The following PARD3B variants were observed in gnomAD, a reference collection of about 807,000 sequenced individuals.
PARD3B encodes partitioning defective 3 homolog B.
A neutral mutation model predicts 130.2 loss-of-function variants in PARD3B; 103 were observed. That is an observed-to-expected ratio of 0.79 (90% CI 0.67 to 0.93). PARD3B has a LOEUF of 0.93. Among genes scored for constraint, PARD3B ranks in the 40% least tolerant of loss-of-function variants. The pLI, the probability that PARD3B is intolerant of heterozygous loss-of-function variation, is 0.00. For missense variants in PARD3B, 1,609 were observed against 1,499.2 expected, an observed-to-expected ratio of 1.07 and a Z score of -1.21; for synonymous variants, 583 against 553.2, an observed-to-expected ratio of 1.05 and a Z score of -0.76.
intron 2 of PARD3B, among the ~76,000 whole-genome samples, chr2:204,759,116 T>C (rs16836582): frequency 0.043 from 6,535 of 152,266 alleles, 258 homozygotes; most frequent in East Asian, 0.18. Context: ...CTTCTTGTAA[T>C]GTTCTCATAA....
chr2:204,887,957 G>A lies in PARD3B; in HGVS notation c.223-77195G>A, dbSNP rs1455863102. 6.6e-6 allele frequency among the ~76,000 whole-genome samples: 1 copy of A among 152,126 alleles called. No individual in the cohort carries two copies. The highest frequency in any genetic ancestry group is 1.5e-5 in the Non-Finnish European group (1 of 68,038). On this transcript the variant is annotated intron_variant, in intron 2 of 22. Transcript: ENST00000406610. The surrounding 1 kb of genome is among the most constrained non-coding windows in gnomAD (Gnocchi z 4.2). ...TTGAGCTGATTCTTGAGGAATGTAT[G>A]AGAACTGTTAAGACCCCAGCATTCC...
chr2:204,586,904 C>T (rs539893811), intron 1 of PARD3B, among the ~76,000 whole-genome samples: 17 of 152,098 alleles, frequency 1.1e-4, no homozygotes, highest in East Asian at 1.9e-4. Flanking sequence ...ATGGCATGTT[C>T]GAATGATTAT....
chr2:205,053,299 A>C (rs1182970722), intron 4 of PARD3B, among the ~76,000 whole-genome samples: 7 of 151,994 alleles, frequency 4.6e-5, no homozygotes, highest in Admixed American at 2.6e-4. Context: ...ATTGATCGCC[A>C]CTGTGATGTT....
chr2:205,529,397 A>G (rs1178280598), intron 21 of PARD3B, among the ~76,000 whole-genome samples: 1 of 152,238 alleles, frequency 6.6e-6, no homozygotes, highest in Non-Finnish European at 1.5e-5. Context: ...GAAACAGATT[A>G]GGGAAGAGAT....
At chr2:205,039,013 G>A (rs544834287) in intron 3 of PARD3B, among the ~76,000 whole-genome samples, 5 of 152,168 alleles carry the variant, frequency 3.3e-5, no homozygotes, top group African/African-American at 7.2e-5. Flanking sequence ...CTCCTGCGGC[G>A]AAAGTGATCT....
intron 18 of PARD3B, among the ~76,000 whole-genome samples, chr2:205,303,203 G>A (rs2042073726): frequency 6.6e-6 from 1 of 152,166 alleles, no homozygotes; most frequent in Non-Finnish European, 1.5e-5. Flanking sequence ...ATGGTGGGAG[G>A]CAGGATTCCA....
chr2:204,771,376 C>T (rs1384196003), intron 2 of PARD3B, among the ~76,000 whole-genome samples: 1 of 152,050 alleles, frequency 6.6e-6, no homozygotes, highest in African/African-American at 2.4e-5. Flanking sequence ...GCTTTGCTTT[C>T]AGGGAGCCTT....
chr2:204,824,537 T>C (rs904167977), intron 2 of PARD3B, among the ~76,000 whole-genome samples: 2 of 152,188 alleles, frequency 1.3e-5, no homozygotes, highest in African/African-American at 4.8e-5. Flanking sequence ...GTACATCATA[T>C]GCTTCCGGAC....
intron 3 of PARD3B, among the ~76,000 whole-genome samples, chr2:204,968,452 A>C (rs976528318): frequency 6.6e-6 from 1 of 152,172 alleles, no homozygotes; most frequent in African/African-American, 2.4e-5. Context: ...ATACTTATGC[A>C]TGCATATTCA....
chr2:204,741,319 T>A (rs1024619434), intron 2 of PARD3B, among the ~76,000 whole-genome samples: 2 of 152,196 alleles, frequency 1.3e-5, no homozygotes, highest in Admixed American at 1.3e-4. Flanking sequence ...CTTTTTCTTG[T>A]GTTACTTAAA....
intron 2 of PARD3B, among the ~76,000 whole-genome samples, chr2:204,761,966 A>G (rs1251755829): frequency 6.6e-6 from 1 of 151,942 alleles, no homozygotes; most frequent in African/African-American, 2.4e-5. Flanking sequence ...TTGCTTTTTT[A>G]TGCTCCTGGG....
intron 2 of PARD3B, among the ~76,000 whole-genome samples, chr2:204,731,251 T>C (rs1029257215): frequency 2.6e-5 from 4 of 152,234 alleles, no homozygotes; most frequent in Admixed American, 2.6e-4. Flanking sequence ...CTCTTATTTA[T>C]TGTGGATTCC....
At chr2:205,588,484 A>G (rs2054274389) in intron 22 of PARD3B, among the ~76,000 whole-genome samples, 1 of 151,780 alleles carries the variant, frequency 6.6e-6, no homozygotes, top group Non-Finnish European at 1.5e-5. Context: ...CAGACAAGTA[A>G]TGTTTTTTTT....
In PARD3B at chr2:205,146,644, C is replaced by G. The variant is rs1036768617; in HGVS notation, c.1435-12078C>G. 1.3e-5 allele frequency among the ~76,000 whole-genome samples: 2 copies of G among 151,694 alleles called. No homozygotes were observed. The stretch of plus-strand genomic sequence containing the variant: ...CCAGCCTGGGCGACAGAGCGAGACT[C>G]CGCCTCAAAAAAAAAAATTGTTACA... On this transcript the variant is annotated intron_variant, in intron 10 of 22. Transcript: ENST00000406610. The surrounding 1 kb of genome is among the most constrained non-coding windows in gnomAD (Gnocchi z 4.3).
chr2:205,429,987 C>T (rs1224105306), intron 19 of PARD3B, among the ~76,000 whole-genome samples: 2 of 152,202 alleles, frequency 1.3e-5, no homozygotes, highest in Admixed American at 6.5e-5. Context: ...CTCTTCTCTT[C>T]CGTTTATGTC....
chr2:205,323,113 G>T (rs1408840268), intron 18 of PARD3B, among the ~76,000 whole-genome samples: 1 of 151,384 alleles, frequency 6.6e-6, no homozygotes, highest in Non-Finnish European at 1.5e-5. Context: ...GGTTCATCTT[G>T]TTGGCCAGGA....
intron 19 of PARD3B, among the ~76,000 whole-genome samples, chr2:205,431,140 G>T (rs753503961): frequency 9.2e-5 from 14 of 152,232 alleles, no homozygotes; most frequent in Non-Finnish European, 2.1e-4. Context: ...GCAATGGCAC[G>T]ATCTTGGCTC....
chr2:205,146,674 A>G lies in PARD3B; in HGVS notation c.1435-12048A>G, dbSNP rs1273498331. Among the ~76,000 whole-genome samples the G allele has an allele frequency of 6.6e-6, 1 of 151,940 alleles. No homozygotes were observed. Among genetic ancestry groups the G allele is most frequent in the Non-Finnish European group, 1.5e-5 (1 of 67,976 alleles). Reference sequence around the variant, plus strand: ...TCAAAAAAAAAAATTGTTACATCATATTGTTTGTTCCTGAATCTTATGTTC... The same window carrying G: ...TCAAAAAAAAAAATTGTTACATCATGTTGTTTGTTCCTGAATCTTATGTTC... On this transcript the variant is annotated intron_variant, in intron 10 of 22. Coordinates refer to ENST00000406610, the MANE Select transcript of PARD3B (RefSeq NM_001302769.2). This position sits in a 1 kb window ranked among gnomAD's most constrained non-coding sequence, Gnocchi z 4.3.
chr2:205,520,003 T>C (rs966779292), intron 21 of PARD3B, among the ~76,000 whole-genome samples: 6 of 152,140 alleles, frequency 3.9e-5, no homozygotes, highest in Admixed American at 3.3e-4. Flanking sequence ...AAAGTTTGGG[T>C]TCTCTCCCCT....
Sources: allele counts gnomAD v4.1 joint callset (sites outside exome capture counted in the v4.1 genomes callset), GRCh38; gene constraint gnomAD v4.1.1; non-coding constraint Gnocchi (gnomAD v3.1); transcripts MANE v1.5; gene names NCBI Gene and HGNC (gene_info 2026-07-23, HGNC 2026-07-21).